GRID2: variants seen among roughly 807,000 people sequenced by gnomAD.
The protein encoded by GRID2 is glutamate ionotropic receptor delta type subunit 2.
In GRID2, 33 loss-of-function variants were observed where a neutral mutation model predicts 114.8. The observed-to-expected ratio is 0.29, with a 90% confidence interval of 0.22 to 0.38. The LOEUF (loss-of-function observed/expected upper bound fraction) is 0.38, where lower values mean the gene tolerates loss of function less well. Among genes scored for constraint, GRID2 ranks in the 10% least tolerant of loss-of-function variants. GRID2 has a pLI of 1.00. For synonymous variants in GRID2, 505 were observed against 449.9 expected (o/e 1.12, Z -1.55); for missense variants, 1,184 against 1,257.7 (o/e 0.94, Z 0.89).
intron 2 of GRID2, among the ~76,000 whole-genome samples, chr4:93,061,802 T>A (rs372840593): frequency 6.6e-6 from 1 of 152,084 alleles, no homozygotes; most frequent in Non-Finnish European, 1.5e-5. Context: ...ACCCAGAAAG[T>A]GTATGACTTC....
intron 1 of GRID2, among the ~76,000 whole-genome samples, chr4:92,465,119 C>T (rs1340181699): frequency 6.6e-6 from 1 of 152,042 alleles, no homozygotes; most frequent in South Asian, 2.1e-4. Flanking sequence ...TCAATTAAAT[C>T]TCTTCATAAA....
intron 8 of GRID2, among the ~76,000 whole-genome samples, chr4:93,320,151 G>T (rs1028772474): frequency 6.6e-6 from 1 of 152,104 alleles, no homozygotes; most frequent in Non-Finnish European, 1.5e-5. Flanking sequence ...AGAACATTAA[G>T]TCTTAAATCA....
rs187800463 is a variant in GRID2, at chr4:92,769,643, G to C, written c.244+179357G>C. Among the ~76,000 whole-genome samples, 706 of 152,300 alleles carry C rather than the reference G, an allele frequency of 4.6e-3. 2 individuals are homozygous for C. The highest frequency in any genetic ancestry group is 0.017 in the Middle Eastern group (5 of 294). On this transcript the variant is annotated intron_variant, in intron 2 of 15. Coordinates refer to ENST00000282020, the MANE Select transcript of GRID2 (RefSeq NM_001510.4). ...TGGAGGTTCTCAAACCTCAAGTCTT[G>C]ACTTCTGTGCACCTGCAGGCTCAAC...
chr4:93,140,146 C>CTTTCT (rs1220442854), intron 4 of GRID2, among the ~76,000 whole-genome samples: 18 of 138,834 alleles, frequency 1.3e-4, no homozygotes, highest in African/African-American at 4.1e-4. Flanking sequence ...ATATCATTTT[C>CTTTCT]TTTCTTTTCT....
At chr4:92,638,163 A>G (rs1198448470) in intron 2 of GRID2, among the ~76,000 whole-genome samples, 1 of 151,728 alleles carries the variant, frequency 6.6e-6, no homozygotes, top group Non-Finnish European at 1.5e-5. Context: ...AAATTTATAG[A>G]ATAGGGGGAT....
At chr4:92,486,465 G>T (rs1231546554) in intron 1 of GRID2, among the ~76,000 whole-genome samples, 1 of 151,038 alleles carries the variant, frequency 6.6e-6, no homozygotes, top group Non-Finnish European at 1.5e-5. Context: ...TAGAAAACCA[G>T]ATTAATATTT....
At chr4:93,275,907 C>T (rs1471318452) in intron 8 of GRID2, among the ~76,000 whole-genome samples, 1 of 151,716 alleles carries the variant, frequency 6.6e-6, no homozygotes, top group Non-Finnish European at 1.5e-5. Context: ...TTTCTGCCCC[C>T]CTCTGGGTTT....
At chr4:92,849,977 GAATT>G in intron 2 of GRID2, among the ~76,000 whole-genome samples, 1 of 151,482 alleles carries the variant, frequency 6.6e-6, no homozygotes, top group Middle Eastern at 4.6e-3. Context: ...TGAGAAGACA[GAATT>G]AATCACATGA....
At chr4:93,076,756 T>C (rs1283542821) in intron 2 of GRID2, among the ~76,000 whole-genome samples, 1 of 151,932 alleles carries the variant, frequency 6.6e-6, no homozygotes, top group Non-Finnish European at 1.5e-5. Context: ...TAGCTGGGAT[T>C]ACAGGCAGGA....
chr4:93,324,977 C>A (rs1757668677), intron 8 of GRID2, among the ~76,000 whole-genome samples: 1 of 151,976 alleles, frequency 6.6e-6, no homozygotes, highest in Non-Finnish European at 1.5e-5. Flanking sequence ...TTGATCTTTT[C>A]AAAAAACCAG....
intron 8 of GRID2, among the ~76,000 whole-genome samples, chr4:93,339,932 A>G (rs1157837363): frequency 6.6e-6 from 1 of 152,156 alleles, no homozygotes; most frequent in African/African-American, 2.4e-5. Flanking sequence ...TATCACAAGA[A>G]GAGCATTGGG....
intron 13 of GRID2, among the ~76,000 whole-genome samples, chr4:93,574,216 T>C (rs1736200009): frequency 6.6e-6 from 1 of 152,154 alleles, no homozygotes; most frequent in African/African-American, 2.4e-5. Context: ...CATTGATCTC[T>C]TCCAGTATCA....
intron 2 of GRID2, among the ~76,000 whole-genome samples, chr4:92,744,745 C>T (rs961468969): frequency 5.9e-5 from 9 of 152,068 alleles, no homozygotes; most frequent in African/African-American, 1.4e-4. Flanking sequence ...TTCCATGAAA[C>T]CTTTTCTGAA....
intron 8 of GRID2, among the ~76,000 whole-genome samples, chr4:93,316,029 G>C (rs1189113894): frequency 6.6e-6 from 1 of 152,072 alleles, no homozygotes; most frequent in African/African-American, 2.4e-5. Context: ...TTGAGAAAAA[G>C]TTTGCTGCTG....
chr4:92,441,124 T>C (rs71633283), intron 1 of GRID2, among the ~76,000 whole-genome samples: 1 of 152,148 alleles, frequency 6.6e-6, no homozygotes, highest in Non-Finnish European at 1.5e-5. Flanking sequence ...GGTGCGGTCC[T>C]GGCTCTTGTG....
intron 11 of GRID2, among the ~76,000 whole-genome samples, chr4:93,478,045 TG>T (rs1725487730): frequency 6.6e-6 from 1 of 152,130 alleles, no homozygotes; most frequent in Non-Finnish European, 1.5e-5. Context: ...CAAATTGTAA[TG>T]TAGCCCACCT....
chr4:92,784,300 T>C (rs903510826), intron 2 of GRID2, among the ~76,000 whole-genome samples: 9 of 152,010 alleles, frequency 5.9e-5, no homozygotes, highest in Non-Finnish European at 1.2e-4. Context: ...TGTCCATTTT[T>C]ATTATTTTAA....
At chr4:93,507,994 A>ACT (rs1179989940) in intron 12 of GRID2, among the ~76,000 whole-genome samples, 6 of 151,996 alleles carry the variant, frequency 3.9e-5, no homozygotes, top group Non-Finnish European at 8.8e-5. Flanking sequence ...AACATCACAC[A>ACT]CCGGAGACTG....
intron 2 of GRID2, among the ~76,000 whole-genome samples, chr4:92,774,009 A>G (rs1738664334): frequency 6.6e-6 from 1 of 152,168 alleles, no homozygotes; most frequent in Admixed American, 6.6e-5. Flanking sequence ...TTGAATTTAT[A>G]CACAAGTGAT....
Sources: gnomAD v4.1 joint callset for allele counts (sites outside exome capture counted in the v4.1 genomes callset) on GRCh38, gnomAD v4.1.1 for gene constraint, MANE v1.5 for transcripts, NCBI Gene and HGNC (gene_info 2026-07-23, HGNC 2026-07-21) for gene names.